Variants in EIF4EBP1 observed in about 807,000 individuals in gnomAD.
The protein encoded by EIF4EBP1 is eukaryotic translation initiation factor 4E-binding protein 1.
EIF4EBP1 carries 5 observed loss-of-function variants against 9.2 expected under a neutral mutation model. That is an observed-to-expected ratio of 0.54 (90% confidence interval 0.28 to 1.14). The LOEUF (loss-of-function observed/expected upper bound fraction) is 1.14, where lower values mean the gene tolerates loss of function less well. EIF4EBP1 is among the 50% of genes most tolerant of loss of function. EIF4EBP1 has a pLI of 0.09. For missense variants in EIF4EBP1, 139 were observed against 169.6 expected, an observed-to-expected ratio of 0.82 and a Z score of 1.00; for synonymous variants, 62 against 67.0, an observed-to-expected ratio of 0.93 and a Z score of 0.36.
At chr8:38,059,416 G>A (rs894471509) in intron 2 of EIF4EBP1, among the ~76,000 whole-genome samples, 6 of 152,050 alleles carry the variant, frequency 3.9e-5, no homozygotes, top group Admixed American at 2.0e-4. Context: ...AGCTGAGGCC[G>A]GCGTCATGCT....
At chr8:38,042,257 A>G (rs1383134889) in intron 1 of EIF4EBP1, among the ~76,000 whole-genome samples, 1 of 152,176 alleles carries the variant, frequency 6.6e-6, no homozygotes, top group African/African-American at 2.4e-5. Flanking sequence ...GCCCAGCAGT[A>G]CAAAACCAGG....
At chr8:38,041,930 T>G (rs556324467) in intron 1 of EIF4EBP1, among the ~76,000 whole-genome samples, 3 of 152,002 alleles carry the variant, frequency 2.0e-5, no homozygotes, top group African/African-American at 7.2e-5. Flanking sequence ...AATTTGAGGT[T>G]ACGGTGAGCT....
At chr8:38,038,696 T>A (rs971049907) in intron 1 of EIF4EBP1, among the ~76,000 whole-genome samples, 1 of 151,434 alleles carries the variant, frequency 6.6e-6, no homozygotes, top group Non-Finnish European at 1.5e-5. Context: ...TTGTGAATTT[T>A]GATCTGTTTC....
At chr8:38,032,631 G>C (rs188258945) in intron 1 of EIF4EBP1, among the ~76,000 whole-genome samples, 5 of 152,346 alleles carry the variant, frequency 3.3e-5, no homozygotes, top group Non-Finnish European at 7.3e-5. Context: ...TTAGCAGTAG[G>C]GGGAGTGGGG....
At chr8:38,059,762 A>G in intron 2 of EIF4EBP1, 142 bp from the exon 3 acceptor site, 2 of 849,448 alleles carry the variant, frequency 2.4e-6, no homozygotes, top group Non-Finnish European at 3.7e-6. Context: ...TCTCAAAAAA[A>G]AAAAACAAAA....
chr8:38,045,085 CA>C (rs1809433191), intron 1 of EIF4EBP1, among the ~76,000 whole-genome samples: 1 of 152,174 alleles, frequency 6.6e-6, no homozygotes, highest in Non-Finnish European at 1.5e-5. Flanking sequence ...TCTTTAACAG[CA>C]ATTATGTGAG....
intron 1 of EIF4EBP1, among the ~76,000 whole-genome samples, chr8:38,049,479 C>CTT (rs370855404): frequency 1.1e-4 from 16 of 139,800 alleles, no homozygotes; most frequent in Non-Finnish European, 1.9e-4. Context: ...TTTCCGTCTT[C>CTT]TTTTTTTTTT....
intron 1 of EIF4EBP1, among the ~76,000 whole-genome samples, chr8:38,050,718 T>G (rs1809508912): frequency 6.6e-6 from 1 of 152,040 alleles, no homozygotes; most frequent in Non-Finnish European, 1.5e-5. Context: ...GCTCAACTGA[T>G]CCTCCCACCT....
At chr8:38,053,322 TTTTTG>T (rs1225261979) in intron 1 of EIF4EBP1, among the ~76,000 whole-genome samples, 1 of 152,026 alleles carries the variant, frequency 6.6e-6, no homozygotes, top group Non-Finnish European at 1.5e-5. Context: ...CTGGCCTGTT[TTTTTG>T]TTTTGTTTTG....
At chr8:38,057,350 G>A in intron 2 of EIF4EBP1, 90 bp downstream of exon 2, 3 of 1,449,294 alleles carry the variant, frequency 2.1e-6, no homozygotes, top group Non-Finnish European at 2.8e-6. Flanking sequence ...TTCCAGGGAG[G>A]AGGAACAACA....
Position 38,030,675 on chromosome 8 carries a change from C to A in EIF4EBP1, c.102C>A (p.Tyr34Ter). 1 of 1,489,982 alleles carries A rather than the reference C, an allele frequency of 6.7e-7. No individual in the cohort carries two copies. The highest frequency in any genetic ancestry group is 8.9e-7 in the Non-Finnish European group (1 of 1,125,872). 92.3% of individuals were successfully genotyped at this position (1,489,982 alleles called of 1,614,324 possible). A position where few individuals can be genotyped will look rare whatever the true frequency, so the allele number is the denominator to read the frequency against. ...GDGVQLPPGDYSTTPGGTLFS... is the reference protein window; with the variant it reads ...GDGVQLPPGD ...GCGTGCAGCTCCCGCCCGGGGACTACAGCACGACCCCCGGCGGCACGCTCT... is the reference window on the plus strand; with the variant it reads ...GCGTGCAGCTCCCGCCCGGGGACTAAAGCACGACCCCCGGCGGCACGCTCT... Residue 34 changes from tyrosine (Y) to a stop codon, truncating the protein, a stop_gained, in exon 1 of 3, where the codon TAC becomes TAA. Transcript: ENST00000338825. LOFTEE classifies it high-confidence loss of function.
chr8:38,057,908 A>G (rs1044017192), intron 2 of EIF4EBP1, among the ~76,000 whole-genome samples: 2 of 152,162 alleles, frequency 1.3e-5, no homozygotes, highest in Non-Finnish European at 2.9e-5. Context: ...CTGGCTTGGC[A>G]GAGTGTTGGA....
chr8:38,035,854 C>T (rs111990042), intron 1 of EIF4EBP1, among the ~76,000 whole-genome samples: 7 of 151,440 alleles, frequency 4.6e-5, no homozygotes, highest in Non-Finnish European at 1.0e-4. Context: ...GGTTTACAGG[C>T]GCGCTACCAC....
In EIF4EBP1 at chr8:38,049,782, T is replaced by C. The variant is rs370475147; in HGVS notation, c.146-7299T>C. Reference sequence around the variant, plus strand: ...CAGGCGTGAGCCACCACACCTGGCCTTTCTTCATATTTTTAAAGTAAATTC... The same window carrying C: ...CAGGCGTGAGCCACCACACCTGGCCCTTCTTCATATTTTTAAAGTAAATTC... On this transcript the variant is annotated intron_variant, in intron 1 of 2. Coordinates refer to ENST00000338825, the MANE Select transcript of EIF4EBP1 (RefSeq NM_004095.4). 3.0e-4 allele frequency among the ~76,000 whole-genome samples: 46 copies of C among 152,118 alleles called. No homozygotes were observed. The South Asian group carries it at 9.1e-3, about 30-fold the overall frequency.
intron 1 of EIF4EBP1, 128 bp from the exon 2 acceptor site, chr8:38,056,953 G>A (rs1045116453): frequency 1.6e-5 from 15 of 954,560 alleles, no homozygotes; most frequent in African/African-American, 1.1e-4. Context: ...ATGAGCCACC[G>A]CACCCAGCCT....
At chr8:38,032,144 A>G (rs934630959) in intron 1 of EIF4EBP1, among the ~76,000 whole-genome samples, 7 of 152,124 alleles carry the variant, frequency 4.6e-5, no homozygotes, top group African/African-American at 1.7e-4. Context: ...GGCCGGCCTG[A>G]AGGCGCAGGT....
rs544176816 is a variant in EIF4EBP1 at position 38,041,998 on chromosome 8, A to G, written c.145+11280A>G. ...TAGAGTGAGACCCTGTCTCAGAAGA[A>G]AAAAAAAAAGCAAACCACACAGGTG... is the stretch of plus-strand genomic sequence containing the variant. On this transcript the variant is annotated intron_variant, in intron 1 of 2. Transcript: ENST00000338825. Among the ~76,000 whole-genome samples, 5 of 148,676 alleles carry G rather than the reference A, an allele frequency of 3.4e-5. No individual in the cohort carries two copies. In the South Asian group the frequency reaches 6.4e-4, roughly 19 times the overall value.
intron 1 of EIF4EBP1, among the ~76,000 whole-genome samples, chr8:38,048,735 G>A (rs1809478205): frequency 6.6e-6 from 1 of 152,164 alleles, no homozygotes; most frequent in African/African-American, 2.4e-5. Flanking sequence ...AGCACTTTGG[G>A]AGGCTGAGGC....
At chr8:38,041,432 T>C (rs561749588) in intron 1 of EIF4EBP1, among the ~76,000 whole-genome samples, 4 of 152,274 alleles carry the variant, frequency 2.6e-5, no homozygotes, top group South Asian at 2.1e-4. Flanking sequence ...TGAGAGAAGC[T>C]ACATGTGCAA....
Sources: allele counts gnomAD v4.1 joint callset (sites outside exome capture counted in the v4.1 genomes callset), GRCh38; gene constraint gnomAD v4.1.1; transcripts MANE v1.5; gene names NCBI Gene and HGNC (gene_info 2026-07-23, HGNC 2026-07-21).